Variants in ARAP2 observed in about 807,000 individuals in gnomAD.
ARAP2 encodes the protein arf-GAP with Rho-GAP domain, ANK repeat and PH domain-containing protein 2.
In ARAP2, 148 loss-of-function variants were observed where a neutral mutation model predicts 194.5. That is an observed-to-expected ratio of 0.76 (90% CI 0.67 to 0.87). The LOEUF (loss-of-function observed/expected upper bound fraction) is 0.87, where lower values mean the gene tolerates loss of function less well. ARAP2 is among the 40% of genes least tolerant of loss of function. The pLI is 0.00. For missense variants in ARAP2, 2,128 were observed against 1,989.7 expected (o/e 1.07, Z -1.32); for synonymous variants, 695 against 683.5 (o/e 1.02, Z -0.26).
At chr4:36,101,132 T>C (rs942691695) in intron 27 of ARAP2, among the ~76,000 whole-genome samples, 2 of 152,034 alleles carry the variant, frequency 1.3e-5, no homozygotes, top group Non-Finnish European at 2.9e-5. Context: ...GTGCGTAGAT[T>C]ACATGCAGAT....
chr4:36,098,797 T>A (rs1232652876), intron 27 of ARAP2, among the ~76,000 whole-genome samples: 6 of 152,036 alleles, frequency 3.9e-5, no homozygotes, highest in African/African-American at 1.4e-4. Flanking sequence ...TCAGTCCATA[T>A]TTTTTTCTCT....
At chr4:36,176,678 T>G (rs1347624197) in intron 9 of ARAP2, among the ~76,000 whole-genome samples, 1 of 152,150 alleles carries the variant, frequency 6.6e-6, no homozygotes, top group Non-Finnish European at 1.5e-5. Flanking sequence ...TATACATTAT[T>G]AAACTATGCT....
intron 8 of ARAP2, among the ~76,000 whole-genome samples, chr4:36,014,737 C>A (rs925954334): frequency 6.6e-6 from 1 of 152,132 alleles, no homozygotes; most frequent in African/African-American, 2.4e-5. Context: ...TAAGCCCCAA[C>A]TTCCCAAAGT....
intron 2 of ARAP2, among the ~76,000 whole-genome samples, chr4:36,054,344 T>C (rs534937658): frequency 6.6e-6 from 1 of 152,346 alleles, no homozygotes; most frequent in East Asian, 1.9e-4. Context: ...ATTGCTCAAT[T>C]ATTCTAAAAA....
chr4:36,063,590 T>C (rs980604415), downstream of ARAP2, among the ~76,000 whole-genome samples: 1 of 152,222 alleles, frequency 6.6e-6, no homozygotes, highest in Non-Finnish European at 1.5e-5. Flanking sequence ...TCCCAACCCT[T>C]TCCTCTTCCT....
chr4:36,129,965 G>A (rs2109594632), intron 20 of ARAP2, among the ~76,000 whole-genome samples: 1 of 151,804 alleles, frequency 6.6e-6, no homozygotes, highest in Non-Finnish European at 1.5e-5. Flanking sequence ...GTTCCTCTCT[G>A]CCTCAATATT....
chr4:36,192,092 C>T (rs1742029795), intron 7 of ARAP2, among the ~76,000 whole-genome samples: 1 of 151,636 alleles, frequency 6.6e-6, no homozygotes, highest in Non-Finnish European at 1.5e-5. Flanking sequence ...ATGGCCACAC[C>T]TATGCATCCC....
chr4:36,117,352 C>T (rs1721611683), intron 24 of ARAP2, among the ~76,000 whole-genome samples: 1 of 151,700 alleles, frequency 6.6e-6, no homozygotes, highest in South Asian at 2.1e-4. Flanking sequence ...ACAACAACCA[C>T]AATGATTTTC....
At chr4:36,142,882 C>A (rs1346105641) in intron 19 of ARAP2, among the ~76,000 whole-genome samples, 1 of 151,710 alleles carries the variant, frequency 6.6e-6, no homozygotes, top group East Asian at 1.9e-4. Context: ...ATCTGTTAAT[C>A]TTTTCATGAA....
chr4:36,116,281 T>A (rs1235126668), intron 25 of ARAP2, among the ~76,000 whole-genome samples: 1 of 150,160 alleles, frequency 6.7e-6, no homozygotes, highest in Admixed American at 6.6e-5. Flanking sequence ...ATATATCTAA[T>A]GTTGTGACTG....
In ARAP2 at chr4:36,161,465, C is replaced by G; in HGVS notation, c.2259G>C (p.Glu753Asp). 5 of 1,613,300 alleles carry G rather than the reference C, an allele frequency of 3.1e-6. No homozygotes were observed. Among genetic ancestry groups the G allele is most frequent in the Non-Finnish European group, 4.2e-6 (5 of 1,179,328 alleles). Residue 753 changes from glutamate (E) to aspartate (D), a missense_variant and splice_region_variant, in exon 12 of 33, where the codon GAG (glutamate) becomes GAC (aspartate). By Grantham distance (45) the Glu-to-Asp change is conservative. Transcript: ENST00000303965. ...CCCATTCAGGTTAAATAGGACTCACCTCGATGAGTTCATTGCTCCAAATGC... is the reference window on the plus strand; with the variant it reads ...CCCATTCAGGTTAAATAGGACTCACGTCGATGAGTTCATTGCTCCAAATGC... ...DASIWSNELI[E>D]LFIVIGNKRA...
intron 28 of ARAP2, among the ~76,000 whole-genome samples, chr4:36,090,403 A>C (rs528525792): frequency 6.6e-6 from 1 of 152,246 alleles, no homozygotes; most frequent in Admixed American, 6.6e-5. Context: ...AACTCATTCT[A>C]TGAAGTCAGC....
chr4:36,098,958 C>G (rs908434512), intron 27 of ARAP2, among the ~76,000 whole-genome samples: 2 of 151,944 alleles, frequency 1.3e-5, no homozygotes, highest in Admixed American at 1.3e-4. Flanking sequence ...TAAACATGTG[C>G]CATGGTGGTT....
At position 36,159,334 on chromosome 4, in the gene ARAP2, A is replaced by G; in HGVS notation, c.2614T>C (p.Ser872Pro). The G allele has an allele frequency of 6.3e-7, 1 of 1,597,968 alleles. No individual in the cohort carries two copies. The highest frequency in any genetic ancestry group is 2.3e-5 in the East Asian group (1 of 44,246). ...QMEFLYHNKFSDFPQHDIHSE... is the reference protein window; with the variant it reads ...QMEFLYHNKFPDFPQHDIHSE... ...TAATGAAGAGACAGTGACGAACCTG[A>G]GAATTTGTTATGGTAGAGAAATTCC... The change falls in exon 14 of 33, where the codon TCA becomes CCA. Residue 872 changes from serine (S) to proline (P), a missense_variant. By Grantham distance (74) the Ser-to-Pro change is moderately conservative. Coordinates refer to ENST00000303965, the MANE Select transcript of ARAP2 (RefSeq NM_015230.4).
intron 27 of ARAP2, among the ~76,000 whole-genome samples, chr4:36,100,071 G>A (rs1716438144): frequency 6.6e-6 from 1 of 152,024 alleles, no homozygotes; most frequent in African/African-American, 2.4e-5. Context: ...GCTGGATATG[G>A]AGCGATCTTG....
intron 31 of ARAP2, 102 bp from the exon 32 acceptor site, chr4:36,073,925 A>T (rs1727640328): frequency 7.3e-7 from 1 of 1,378,804 alleles, no homozygotes; most frequent in Non-Finnish European, 1.0e-6. Context: ...ACATCAAATG[A>T]TCTGATTTCC....
At chr4:36,236,484 A>T (rs1163713156) in intron 1 of ARAP2, among the ~76,000 whole-genome samples, 4 of 152,184 alleles carry the variant, frequency 2.6e-5, no homozygotes, top group Non-Finnish European at 5.9e-5. Context: ...ACAAAAAGAG[A>T]GCATACCACT....
chr4:36,012,689 C>T (rs992287001), exon 9 of ARAP2: 1 of 152,206 alleles, frequency 6.6e-6, no homozygotes, highest in African/African-American at 2.4e-5. Context: ...AAAGGGCATA[C>T]TTCTTCATGC....
intron 3 of ARAP2, among the ~76,000 whole-genome samples, chr4:36,050,604 C>A (rs1450053115): frequency 6.6e-6 from 1 of 152,108 alleles, no homozygotes; most frequent in East Asian, 1.9e-4. Context: ...TTATTTAAGG[C>A]AGTATTGAAA....
Sources: gnomAD v4.1 joint callset for allele counts (sites outside exome capture counted in the v4.1 genomes callset) on GRCh38, gnomAD v4.1.1 for gene constraint, MANE v1.5 for transcripts, NCBI Gene and HGNC (gene_info 2026-07-23, HGNC 2026-07-21) for gene names.